ARL15: variants seen among roughly 807,000 people sequenced by gnomAD.
ARL15 encodes the protein ADP-ribosylation factor-like protein 15.
A neutral mutation model predicts 25.2 loss-of-function variants in ARL15; 19 were observed. That is an observed-to-expected ratio of 0.75 (90% confidence interval 0.53 to 1.10). The LOEUF is 1.10. Among genes scored for constraint, ARL15 ranks in the 50% least tolerant of loss-of-function variants. The pLI is 0.00. For synonymous variants in ARL15, 94 were observed against 86.8 expected (o/e 1.08, Z -0.46); for missense variants, 220 against 246.0 (o/e 0.89, Z 0.71).
At chr5:54,095,767 G>C (rs967777578) in intron 4 of ARL15, among the ~76,000 whole-genome samples, 4 of 151,550 alleles carry the variant, frequency 2.6e-5, no homozygotes, top group African/African-American at 7.3e-5. Flanking sequence ...TTTGTAAAAA[G>C]GGCCCATCTG....
intron 3 of ARL15, among the ~76,000 whole-genome samples, chr5:54,143,529 T>C (rs1753825938): frequency 6.6e-6 from 1 of 152,016 alleles, no homozygotes; most frequent in African/African-American, 2.4e-5. Flanking sequence ...TTTTATGCTA[T>C]CCGTATTAGA....
At chr5:54,191,114 T>C (rs376978793) in intron 1 of ARL15, among the ~76,000 whole-genome samples, 1 of 152,142 alleles carries the variant, frequency 6.6e-6, no homozygotes, top group East Asian at 1.9e-4. Flanking sequence ...TATAATCGAT[T>C]ACTATTTAGC....
chr5:54,122,875 T>C (rs1753126576), intron 3 of ARL15, among the ~76,000 whole-genome samples: 1 of 152,222 alleles, frequency 6.6e-6, no homozygotes. Flanking sequence ...ATAGCTCTAC[T>C]AAATAATTTT....
intron 4 of ARL15, among the ~76,000 whole-genome samples, chr5:53,929,896 T>C (rs1214144742): frequency 6.6e-6 from 1 of 152,052 alleles, no homozygotes; most frequent in East Asian, 1.9e-4. Flanking sequence ...GAGAGTTTAG[T>C]GTGGGCACAC....
intron 4 of ARL15, among the ~76,000 whole-genome samples, chr5:53,981,083 A>T (rs1694056): frequency 0.36 from 55,354 of 151,948 alleles, 10,702 homozygotes; most frequent in Middle Eastern, 0.45. Context: ...GATTCAAACA[A>T]ACTTCAGTTA....
chr5:54,054,483 G>A (rs1750797636), intron 4 of ARL15, among the ~76,000 whole-genome samples: 1 of 152,134 alleles, frequency 6.6e-6, no homozygotes, highest in Admixed American at 6.5e-5. Flanking sequence ...CAACAATGTG[G>A]ATGAGCTTTA....
chr5:53,920,088 A>G (rs918617350), intron 4 of ARL15, among the ~76,000 whole-genome samples: 5 of 152,194 alleles, frequency 3.3e-5, no homozygotes, highest in African/African-American at 1.2e-4. Flanking sequence ...CTTAATAGAA[A>G]GCTGTAATAT....
chr5:54,135,124 T>G (rs1753562274), intron 3 of ARL15, among the ~76,000 whole-genome samples: 2 of 152,018 alleles, frequency 1.3e-5, no homozygotes, highest in South Asian at 4.1e-4. Flanking sequence ...CAATGAAATT[T>G]AATAGAGATA....
At chr5:54,148,012 G>C (rs1753960216) in intron 3 of ARL15, among the ~76,000 whole-genome samples, 1 of 152,070 alleles carries the variant, frequency 6.6e-6, no homozygotes, top group Non-Finnish European at 1.5e-5. Context: ...TAATATACAT[G>C]GAACTGTGAA....
intron 4 of ARL15, among the ~76,000 whole-genome samples, chr5:54,098,067 A>G (rs1752337018): frequency 6.6e-6 from 1 of 152,300 alleles, no homozygotes; most frequent in Admixed American, 6.5e-5. Context: ...CAGGCCAACC[A>G]TGAGAGGATG....
At chr5:54,239,240 T>C (rs1756891401) in intron 1 of ARL15, among the ~76,000 whole-genome samples, 1 of 152,170 alleles carries the variant, frequency 6.6e-6, no homozygotes, top group African/African-American at 2.4e-5. Flanking sequence ...CATTTTTTTT[T>C]TTTTTGGAAA....
intron 4 of ARL15, chr5:53,887,284 C>T: frequency 1.5e-6 from 1 of 661,402 alleles, no homozygotes; most frequent in East Asian, 2.8e-5. Flanking sequence ...AGGATAGAAA[C>T]TGCATGTATG....
intron 1 of ARL15, among the ~76,000 whole-genome samples, chr5:54,243,192 T>C (rs779077342): frequency 2.0e-5 from 3 of 152,238 alleles, no homozygotes; most frequent in Non-Finnish European, 4.4e-5. Context: ...AAATCATTTC[T>C]ATAAAACTAT....
intron 4 of ARL15, among the ~76,000 whole-genome samples, chr5:53,957,972 G>A (rs904773088): frequency 5.3e-5 from 8 of 152,086 alleles, no homozygotes; most frequent in Non-Finnish European, 1.0e-4. Context: ...CACTTTGGGA[G>A]GCCAAGGCGG....
intron 4 of ARL15, among the ~76,000 whole-genome samples, chr5:53,981,018 C>G (rs1225597352): frequency 2.0e-5 from 3 of 152,054 alleles, no homozygotes; most frequent in South Asian, 2.1e-4. Flanking sequence ...ACTGCCCTGC[C>G]CCCTTTGCCA....
At chr5:54,292,192 T>G (rs911799449) in intron 1 of ARL15, among the ~76,000 whole-genome samples, 3 of 152,138 alleles carry the variant, frequency 2.0e-5, no homozygotes, top group African/African-American at 7.2e-5. Flanking sequence ...ACCCCATCCC[T>G]AAAGCCTGGC....
intron 1 of ARL15, among the ~76,000 whole-genome samples, chr5:54,224,534 T>C (rs1157857214): frequency 6.6e-6 from 1 of 152,152 alleles, no homozygotes; most frequent in Non-Finnish European, 1.5e-5. Context: ...CAGAAAATTA[T>C]ACGGAAAAAT....
At chr5:54,006,327 T>C (rs890238672) in intron 4 of ARL15, among the ~76,000 whole-genome samples, 1 of 152,162 alleles carries the variant, frequency 6.6e-6, no homozygotes, top group African/African-American at 2.4e-5. Context: ...AATACAAGTA[T>C]TTCAAACAGT....
At chr5:54,066,408 A>G (rs1751232845) in intron 4 of ARL15, among the ~76,000 whole-genome samples, 1 of 152,250 alleles carries the variant, frequency 6.6e-6, no homozygotes, top group Admixed American at 6.5e-5. Context: ...TACCTAGTTA[A>G]CAGCAGAAAA....
Sources: gnomAD v4.1 joint callset for allele counts (sites outside exome capture counted in the v4.1 genomes callset) on GRCh38, gnomAD v4.1.1 for gene constraint, MANE v1.5 for transcripts, NCBI Gene and HGNC (gene_info 2026-07-23, HGNC 2026-07-21) for gene names.